Variants in SLC25A6 observed in about 807,000 individuals in gnomAD.
SLC25A6 encodes ADP/ATP translocase 3.
SLC25A6 carries 9 observed loss-of-function variants against 25.7 expected under a neutral mutation model. The observed-to-expected ratio is 0.35, with a 90% confidence interval of 0.21 to 0.61. The LOEUF (loss-of-function observed/expected upper bound fraction) is 0.61, where lower values mean the gene tolerates loss of function less well. Among genes scored for constraint, SLC25A6 ranks in the 20% least tolerant of loss-of-function variants. The pLI, the probability that SLC25A6 is intolerant of heterozygous loss-of-function variation, is 0.76. For missense variants in SLC25A6, 404 were observed against 440.5 expected (o/e 0.92, Z 0.74); for synonymous variants, 223 against 197.0 (o/e 1.13, Z -1.11).
chrX:1,389,641 G>A lies in SLC25A6; in HGVS notation c.198C>T (p.Gly66=), dbSNP rs766902588. Residue 66 remains glycine, a synonymous_variant, in exon 2 of 4, where the codon GGC becomes GGT. Transcript: ENST00000381401. ...GGTTGCCCCTCCAGAAGGACAGCAC[G>A]CCCTGCTCCTTGGGGATGCGGACAA... is the stretch of plus-strand genomic sequence containing the variant. ...DCIVRIPKEQ[G]VLSFWRGNLA... is the part of the protein sequence containing the mutation. The A allele has an allele frequency of 8.1e-6, 13 of 1,614,078 alleles. No homozygotes were observed. Among genetic ancestry groups the A allele is most frequent in the East Asian group, 2.2e-5 (1 of 44,878 alleles).
In SLC25A6 at chrX:1,386,417, C is replaced by G. The variant is rs1410403377; in HGVS notation, c.*185G>C. 5 of 734,848 alleles carry G rather than the reference C, an allele frequency of 6.8e-6. No individual in the cohort carries two copies. Among genetic ancestry groups the G allele is most frequent in the Non-Finnish European group, 1.0e-5 (5 of 496,466 alleles). The allele number at this position is 734,848 out of a possible 1,614,324, so 45.5% of individuals were successfully genotyped here. On this transcript the variant is annotated 3_prime_UTR_variant, in exon 4 of 4. Transcript: ENST00000381401. The stretch of plus-strand genomic sequence containing the variant: ...CCCCGTGATCAAGACACGGAATCGG[C>G]TGCCGATGGTTGGATCGCAATGCGC...
intron 2 of SLC25A6, among the ~76,000 whole-genome samples, chrX:1,388,843 G>A (rs1171041275): frequency 3.4e-5 from 5 of 149,184 alleles, no homozygotes; most frequent in African/African-American, 7.5e-5. Context: ...GGACGACCCC[G>A]TGAGGGCACA....
In SLC25A6 at chrX:1,386,775, G is replaced by A. The variant is rs201451726; in HGVS notation, c.740-16C>T. ...ATGATGTCAGCTGCAACGACAGGGA[G>A]ACAGTGAGGGCCTCGCCGCCAAGCT... On this transcript the variant is annotated splice_polypyrimidine_tract_variant and intron_variant, in intron 3 of 3. Coordinates refer to ENST00000381401, the MANE Select transcript of SLC25A6 (RefSeq NM_001636.4). 21 of 1,598,606 alleles carry A rather than the reference G, an allele frequency of 1.3e-5. No homozygotes were observed. The highest frequency in any genetic ancestry group is 1.6e-5 in the Non-Finnish European group (19 of 1,173,306).
At position 1,386,408 on chromosome X, in the gene SLC25A6, C is replaced by T. The variant is rs1267383768; in HGVS notation, c.*194G>A. ...TCCCTCCCACCCCGTGATCAAGACA[C>T]GGAATCGGCTGCCGATGGTTGGATC... On this transcript the variant is annotated 3_prime_UTR_variant, in exon 4 of 4. Coordinates refer to ENST00000381401, the MANE Select transcript of SLC25A6 (RefSeq NM_001636.4). 19 of 669,876 alleles carry T rather than the reference C, an allele frequency of 2.8e-5. No individual in the cohort carries two copies. Among genetic ancestry groups the T allele is most frequent in the Admixed American group, 1.2e-4 (3 of 24,164 alleles). The allele number at this position is 669,876 out of a possible 1,614,324, so 41.5% of individuals were successfully genotyped here. A position where few individuals can be genotyped will look rare whatever the true frequency, so the allele number is the denominator to read the frequency against.
chrX:1,388,359 G>C (rs761959975), intron 2 of SLC25A6, among the ~76,000 whole-genome samples: 1 of 148,520 alleles, frequency 6.7e-6, no homozygotes, highest in East Asian at 2.0e-4. Flanking sequence ...AAGAGGACAC[G>C]AGGACACAGA....
intron 2 of SLC25A6, among the ~76,000 whole-genome samples, chrX:1,388,957 C>T (rs1340277989): frequency 6.9e-6 from 1 of 145,306 alleles, no homozygotes; most frequent in Non-Finnish European, 1.5e-5. Flanking sequence ...GTAGGAAAAT[C>T]AATGTCTGTT....
At position 1,392,024 on chromosome X, in the gene SLC25A6, C is replaced by T. The variant is rs1472395805; in HGVS notation, c.-15G>A. On this transcript the variant is annotated 5_prime_UTR_variant, in exon 1 of 4. Transcript: ENST00000381401. ...TGTTCCGTCATGGTGGCAGGGCGGG[C>T]AGCGGAACGGGAGGACAGCCGGAGA... The T allele has an allele frequency of 1.6e-5, 25 of 1,587,666 alleles. No individual in the cohort carries two copies. The highest frequency in any genetic ancestry group is 1.9e-5 in the Non-Finnish European group (22 of 1,163,782).
chrX:1,387,467 C>T (rs754876430), intron 2 of SLC25A6, 48 bp from the exon 3 acceptor site: 10 of 1,603,424 alleles, frequency 6.2e-6, no homozygotes, highest in African/African-American at 2.7e-5. Context: ...CACGGCCACC[C>T]GAGACCAGGG....
At chrX:1,387,817 G>A (rs1354048178) in intron 2 of SLC25A6, among the ~76,000 whole-genome samples, 2 of 151,970 alleles carry the variant, frequency 1.3e-5, no homozygotes, top group African/African-American at 4.8e-5. Context: ...ATAAGGTCTT[G>A]AAAGAGGTAA....
intron 3 of SLC25A6, 97 bp from the exon 4 acceptor site, chrX:1,386,856 C>T: frequency 2.9e-6 from 4 of 1,401,384 alleles, no homozygotes; most frequent in Non-Finnish European, 3.9e-6. Flanking sequence ...AAATAACACC[C>T]CAGACGCCTG....
rs1204924119 is a variant in SLC25A6, at chrX:1,389,457, G to C, written c.382C>G (p.Leu128Val). ...ASGGAAGATS[L>V]CFVYPLDFAR... The stretch of plus-strand genomic sequence containing the variant: ...AAATCCAGCGGGTACACGAAGCAGA[G>C]GGAGGTCGCGCCGGCCGCACCGCCG... Residue 128 changes from leucine to valine, a missense_variant, in exon 2 of 4, where the codon CTC (leucine) becomes GTC (valine). Transcript: ENST00000381401. 1 of 1,613,844 alleles carries C rather than the reference G, an allele frequency of 6.2e-7. No homozygotes were observed. The highest frequency in any genetic ancestry group is 1.3e-5 in the African/African-American group (1 of 74,942).
chrX:1,391,630 A>G (rs1603449719), intron 1 of SLC25A6, among the ~76,000 whole-genome samples: 1 of 152,330 alleles, frequency 6.6e-6, no homozygotes, highest in East Asian at 1.9e-4. Flanking sequence ...GGGTCCGTCC[A>G]TGGGCCCTGC....
At chrX:1,391,869 T>A in intron 1 of SLC25A6, 30 bp downstream of exon 1, 3 of 1,535,358 alleles carry the variant, frequency 2.0e-6, no homozygotes, top group Non-Finnish European at 2.7e-6. Flanking sequence ...CGTCCCCTAG[T>A]CCCCGGAGCG....
Position 1,392,052 on chromosome X carries a change from G to C in SLC25A6, c.-43C>G. The C allele has an allele frequency of 6.8e-7, 1 of 1,477,148 alleles. No individual in the cohort carries two copies. Among genetic ancestry groups the C allele is most frequent in the Non-Finnish European group, 9.3e-7 (1 of 1,073,758 alleles). 91.5% of individuals were successfully genotyped at this position (1,477,148 alleles called of 1,614,324 possible). A position where few individuals can be genotyped will look rare whatever the true frequency, so the allele number is the denominator to read the frequency against. On this transcript the variant is annotated 5_prime_UTR_variant, in exon 1 of 4. Coordinates refer to ENST00000381401, the MANE Select transcript of SLC25A6 (RefSeq NM_001636.4). ...CGGAACGGGAGGACAGCCGGAGAACGGGCGCGGAGAGTGAATGGAGGGCGT... is the reference window on the plus strand; with the variant it reads ...CGGAACGGGAGGACAGCCGGAGAACCGGCGCGGAGAGTGAATGGAGGGCGT...
At chrX:1,387,250 C>T in intron 3 of SLC25A6, 29 bp downstream of exon 3, 2 of 1,607,126 alleles carry the variant, frequency 1.2e-6, no homozygotes, top group Non-Finnish European at 1.7e-6. Context: ...CCCTTCCCGG[C>T]AGCAAGGGTC....
Position 1,387,314 on chromosome X carries a change from C to T in SLC25A6, c.704G>A (p.Arg235Gln). ...CCCGGACTGCATCATCATGCGCCGC[C>T]GCACCGTGTCGAAGGGGTAGGACAC... is the stretch of plus-strand genomic sequence containing the variant. ...GVVSYPFDTVRRRMMMQSGRK... is the reference protein window; with the variant it reads ...GVVSYPFDTVQRRMMMQSGRK... The change falls in exon 3 of 4, where the codon CGG becomes CAG. Residue 235 changes from arginine to glutamine, a missense_variant. Arg to Gln is a conservative substitution (Grantham distance 43). Coordinates refer to ENST00000381401, the MANE Select transcript of SLC25A6 (RefSeq NM_001636.4). 1 of 1,613,214 alleles carries T rather than the reference C, an allele frequency of 6.2e-7. No homozygotes were observed. Among genetic ancestry groups the T allele is most frequent in the Non-Finnish European group, 8.5e-7 (1 of 1,179,778 alleles).
chrX:1,389,097 C>A, intron 2 of SLC25A6, 144 bp downstream of exon 2: 1 of 779,840 alleles, frequency 1.3e-6, no homozygotes, highest in East Asian at 2.7e-5. Flanking sequence ...AGGGAGAAGA[C>A]GGCGTCTCCA....
rs2089320359 is a variant in SLC25A6 at position 1,386,200 on chromosome X, G to C, written c.*402C>G. 1 of 176,142 alleles carries C rather than the reference G, an allele frequency of 5.7e-6. No homozygotes were observed. The highest frequency in any genetic ancestry group is 1.2e-5 in the Non-Finnish European group (1 of 84,380). The allele number at this position is 176,142 out of a possible 1,614,324, so 10.9% of individuals were successfully genotyped here. On this transcript the variant is annotated 3_prime_UTR_variant, in exon 4 of 4. Coordinates refer to ENST00000381401, the MANE Select transcript of SLC25A6 (RefSeq NM_001636.4). The stretch of plus-strand genomic sequence containing the variant: ...GTTTTGCAGCAGGAGGCCCAACATA[G>C]AACATACTCGCCAGTACTCGGCTGT...
In SLC25A6 at chrX:1,387,342, C is replaced by A; in HGVS notation, c.676G>T (p.Val226Leu). The A allele has an allele frequency of 6.2e-7, 1 of 1,613,384 alleles. No homozygotes were observed. Residue 226 changes from valine (V) to leucine (L), a missense_variant, in exon 3 of 4, where the codon GTG (valine) becomes TTG (leucine). Coordinates refer to ENST00000381401, the MANE Select transcript of SLC25A6 (RefSeq NM_001636.4). ...ACCGTGTCGAAGGGGTAGGACACCACGCCGGCCACGGCCGTCACGGTCTGC... is the reference window on the plus strand; with the variant it reads ...ACCGTGTCGAAGGGGTAGGACACCAAGCCGGCCACGGCCGTCACGGTCTGC... ...IAQTVTAVAG[V>L]VSYPFDTVRR...
Sources: gnomAD v4.1 joint callset for allele counts (sites outside exome capture counted in the v4.1 genomes callset) on GRCh38, gnomAD v4.1.1 for gene constraint, MANE v1.5 for transcripts, NCBI Gene and HGNC (gene_info 2026-07-23, HGNC 2026-07-21) for gene names.